The following MAPK10 variants were observed in gnomAD, a reference collection of about 807,000 sequenced individuals.
MAPK10 encodes JNK3 alpha protein kinase.
A neutral mutation model predicts 59.3 loss-of-function variants in MAPK10; 25 were observed. The ratio of observed to expected loss-of-function variants is 0.42; its 90% CI spans 0.31 to 0.59. The LOEUF is 0.59. MAPK10 is among the 20% of genes least tolerant of loss of function. The pLI is 0.15. For synonymous variants in MAPK10, 190 were observed against 200.5 expected (o/e 0.95, Z 0.44); for missense variants, 351 against 568.9 (o/e 0.62, Z 3.90).
At chr4:86,292,824 G>A (rs1433515290) in intron 2 of MAPK10, among the ~76,000 whole-genome samples, 2 of 152,126 alleles carry the variant, frequency 1.3e-5, no homozygotes, top group Non-Finnish European at 1.5e-5. Flanking sequence ...GTATGGGAGG[G>A]CCAATTAAAC....
chr4:86,327,138 C>CT (rs11404211), intron 2 of MAPK10: 60,707 of 139,752 alleles, frequency 0.43, 13,113 homozygotes, highest in Admixed American at 0.49. Flanking sequence ...ACCCAGCTAA[C>CT]TTTTTTTTTT....
At chr4:86,319,410 T>C (rs918434806) in intron 2 of MAPK10, among the ~76,000 whole-genome samples, 2 of 152,180 alleles carry the variant, frequency 1.3e-5, no homozygotes, top group Admixed American at 6.5e-5. Context: ...AGAAAATTCA[T>C]GCAAAATAAC....
chr4:86,465,784 C>T (rs1253042086), intron 1 of MAPK10, among the ~76,000 whole-genome samples: 2 of 152,106 alleles, frequency 1.3e-5, no homozygotes, highest in Non-Finnish European at 2.9e-5. Context: ...TCCTGAGGAC[C>T]CCCCAGTTAC....
chr4:86,415,444 T>C (rs901210995), intron 1 of MAPK10, among the ~76,000 whole-genome samples: 6 of 152,212 alleles, frequency 3.9e-5, no homozygotes, highest in African/African-American at 1.4e-4. Context: ...AATAGAGCTT[T>C]TGATAACTTA....
At chr4:86,104,597 A>G (rs920796547) in intron 5 of MAPK10, among the ~76,000 whole-genome samples, 5 of 152,122 alleles carry the variant, frequency 3.3e-5, no homozygotes, top group Non-Finnish European at 5.9e-5. Context: ...GAGACTGTGT[A>G]TACAGCACAC....
At chr4:86,511,612 G>C (rs769074225) in intron 1 of MAPK10, among the ~76,000 whole-genome samples, 1 of 150,648 alleles carries the variant, frequency 6.6e-6, no homozygotes, top group Non-Finnish European at 1.5e-5. Flanking sequence ...GAAGAATACA[G>C]AAGGAGGAAG....
chr4:86,325,206 T>C (rs2095995935), intron 2 of MAPK10, among the ~76,000 whole-genome samples: 1 of 152,174 alleles, frequency 6.6e-6, no homozygotes, highest in African/African-American at 2.4e-5. Flanking sequence ...ATTTCATAGA[T>C]CACAGAGGAA....
At chr4:86,334,565 C>T (rs954331546) in intron 2 of MAPK10, among the ~76,000 whole-genome samples, 5 of 152,066 alleles carry the variant, frequency 3.3e-5, no homozygotes, top group African/African-American at 1.2e-4. Context: ...CTCCCTCTTA[C>T]ACAACTTTCA....
intron 2 of MAPK10, among the ~76,000 whole-genome samples, chr4:86,320,200 T>A (rs555699405): frequency 1.3e-5 from 2 of 152,360 alleles, no homozygotes; most frequent in East Asian, 3.9e-4. Context: ...TCAGGCTAGA[T>A]ATCTTAGGTT....
chr4:86,090,083 G>T (rs2052781679), intron 9 of MAPK10, among the ~76,000 whole-genome samples: 1 of 152,048 alleles, frequency 6.6e-6, no homozygotes, highest in Non-Finnish European at 1.5e-5. Context: ...AGGAAGCCAG[G>T]GCAGAGCGCA....
chr4:86,243,955 C>G (rs982626340), intron 2 of MAPK10, among the ~76,000 whole-genome samples: 1 of 152,138 alleles, frequency 6.6e-6, no homozygotes, highest in Non-Finnish European at 1.5e-5. Flanking sequence ...CTTTACTAGT[C>G]AAAACCATTA....
intron 2 of MAPK10, among the ~76,000 whole-genome samples, chr4:86,309,442 G>A (rs2095628793): frequency 6.6e-6 from 1 of 152,084 alleles, no homozygotes; most frequent in African/African-American, 2.4e-5. Context: ...AAAGACCAAG[G>A]GCTACATTGC....
chr4:86,402,555 T>C (rs1564806482), intron 1 of MAPK10, among the ~76,000 whole-genome samples: 1 of 152,220 alleles, frequency 6.6e-6, no homozygotes, highest in South Asian at 2.1e-4. Flanking sequence ...ATAATTGCAG[T>C]ATGTTATTCC....
At chr4:86,090,438 C>G (rs1488149571) in intron 9 of MAPK10, 2 of 152,058 alleles carry the variant, frequency 1.3e-5, no homozygotes, top group Non-Finnish European at 2.9e-5. Flanking sequence ...AAAGTGATCA[C>G]TGCAAAGAAA....
intron 1 of MAPK10, among the ~76,000 whole-genome samples, chr4:86,511,712 AGG>A (rs1756273979): frequency 1.4e-5 from 2 of 142,940 alleles, no homozygotes; most frequent in Non-Finnish European, 3.0e-5. Context: ...GAGGAGGAGG[AGG>A]AGGAGCGGGA....
At chr4:86,031,007 T>C (rs2038896737) in intron 12 of MAPK10, among the ~76,000 whole-genome samples, 1 of 152,262 alleles carries the variant, frequency 6.6e-6, no homozygotes. Flanking sequence ...TTTAATTTCA[T>C]GCTTCATATG....
chr4:86,037,646 C>T (rs2040614709), intron 11 of MAPK10, among the ~76,000 whole-genome samples: 1 of 151,950 alleles, frequency 6.6e-6, no homozygotes, highest in Non-Finnish European at 1.5e-5. Context: ...TTCAAAGATA[C>T]ATGGGAAGTA....
intron 3 of MAPK10, among the ~76,000 whole-genome samples, chr4:86,170,010 G>C (rs1482384319): frequency 6.6e-6 from 1 of 151,926 alleles, no homozygotes; most frequent in African/African-American, 2.4e-5. Context: ...GAAAGCAAAT[G>C]CTGAGATTTT....
intron 1 of MAPK10, among the ~76,000 whole-genome samples, chr4:86,506,997 A>T (rs940604058): frequency 6.6e-6 from 1 of 152,178 alleles, no homozygotes; most frequent in Non-Finnish European, 1.5e-5. Context: ...TGTATCAGAA[A>T]TTTATCTAAT....
Sources: gnomAD v4.1 joint callset for allele counts (sites outside exome capture counted in the v4.1 genomes callset) on GRCh38, gnomAD v4.1.1 for gene constraint, MANE v1.5 for transcripts, NCBI Gene and HGNC (gene_info 2026-07-23, HGNC 2026-07-21) for gene names.